The following VSNL1 variants were observed in gnomAD, a reference collection of about 807,000 sequenced individuals.
The protein encoded by VSNL1 is visinin-like protein 1.
VSNL1 carries 6 observed loss-of-function variants against 20.4 expected under a neutral mutation model. The ratio of observed to expected loss-of-function variants is 0.29; its 90% CI spans 0.16 to 0.58. VSNL1 has a LOEUF of 0.58. VSNL1 is among the 20% of genes least tolerant of loss of function. VSNL1 has a pLI of 0.90. For missense variants in VSNL1, 100 were observed against 234.5 expected (o/e 0.43, Z 3.75); for synonymous variants, 93 against 86.4 (o/e 1.08, Z -0.42).
At chr2:17,556,929 T>G (rs542180508) in intron 1 of VSNL1, among the ~76,000 whole-genome samples, 5 of 152,314 alleles carry the variant, frequency 3.3e-5, no homozygotes, top group Admixed American at 1.3e-4. Flanking sequence ...TTCAAGGTCT[T>G]TTCACTTTTC....
intron 1 of VSNL1, among the ~76,000 whole-genome samples, chr2:17,549,536 T>C (rs1379127809): frequency 6.6e-6 from 1 of 152,224 alleles, no homozygotes; most frequent in Non-Finnish European, 1.5e-5. Context: ...GGAAGGCCTA[T>C]TGAAATTTCT....
chr2:17,643,369 A>G (rs1330078884), intron 2 of VSNL1, among the ~76,000 whole-genome samples: 1 of 152,176 alleles, frequency 6.6e-6, no homozygotes. Context: ...TCATCTGCTT[A>G]AGTAGTAATG....
chr2:17,637,887 C>T (rs965105865), intron 2 of VSNL1, among the ~76,000 whole-genome samples: 29 of 152,156 alleles, frequency 1.9e-4, no homozygotes, highest in African/African-American at 6.3e-4. Context: ...TTGAGGTTGA[C>T]GCAGCACTTT....
At chr2:17,614,898 C>T (rs2001674) in intron 2 of VSNL1, among the ~76,000 whole-genome samples, 95,857 of 152,056 alleles carry the variant, frequency 0.63, 31,453 homozygotes, top group Middle Eastern at 0.87. Flanking sequence ...ACAGAGGAGT[C>T]TGAATTAAAT....
intron 3 of VSNL1, among the ~76,000 whole-genome samples, chr2:17,650,275 A>T (rs1023794197): frequency 2.6e-5 from 4 of 151,980 alleles, no homozygotes; most frequent in Non-Finnish European, 5.9e-5. Context: ...CTTCCTGCAT[A>T]CCTTCCCAAA....
chr2:17,575,686 C>T (rs1347392949), intron 1 of VSNL1, among the ~76,000 whole-genome samples: 2 of 152,056 alleles, frequency 1.3e-5, no homozygotes, highest in Non-Finnish European at 2.9e-5. Flanking sequence ...GAGGCATGCG[C>T]CACCATGCCC....
chr2:17,558,799 A>G (rs908238110), intron 1 of VSNL1, among the ~76,000 whole-genome samples: 2 of 152,166 alleles, frequency 1.3e-5, no homozygotes, highest in African/African-American at 4.8e-5. Context: ...TTTCTGGAGC[A>G]AGAGTTTGCA....
chr2:17,556,640 G>A (rs1663684850), intron 1 of VSNL1, among the ~76,000 whole-genome samples: 2 of 152,214 alleles, frequency 1.3e-5, no homozygotes, highest in South Asian at 4.1e-4. Flanking sequence ...ATTGTTCACA[G>A]TGGCATATGT....
intron 2 of VSNL1, among the ~76,000 whole-genome samples, chr2:17,620,868 A>T (rs961921717): frequency 1.3e-5 from 2 of 152,224 alleles, no homozygotes; most frequent in Admixed American, 1.3e-4. Context: ...GAAACCTCTC[A>T]ATTTAAACTC....
intron 1 of VSNL1, among the ~76,000 whole-genome samples, chr2:17,575,915 C>T: frequency 6.6e-6 from 1 of 152,142 alleles, no homozygotes. Flanking sequence ...CTCTATTTAA[C>T]ATTCACTTGT....
chr2:17,603,000 G>A (rs953804407), intron 2 of VSNL1, among the ~76,000 whole-genome samples: 1 of 152,124 alleles, frequency 6.6e-6, no homozygotes, highest in Admixed American at 6.6e-5. Context: ...AGCTAGAAGA[G>A]ATACAAAGTA....
chr2:17,551,905 A>AAAT (rs1379146086), intron 1 of VSNL1, among the ~76,000 whole-genome samples: 3 of 143,870 alleles, frequency 2.1e-5, no homozygotes, highest in Non-Finnish European at 3.2e-5. Flanking sequence ...TTAAAAAAAA[A>AAAT]AAAAAAAAAA....
At chr2:17,559,160 C>G (rs1441737580) in intron 1 of VSNL1, among the ~76,000 whole-genome samples, 1 of 152,088 alleles carries the variant, frequency 6.6e-6, no homozygotes, top group Non-Finnish European at 1.5e-5. Flanking sequence ...CAGGTCATAC[C>G]CTTCCCTGTT....
chr2:17,568,846 A>G (rs914725926), intron 1 of VSNL1, among the ~76,000 whole-genome samples: 7 of 152,160 alleles, frequency 4.6e-5, no homozygotes, highest in African/African-American at 1.7e-4. Context: ...GTATATAATT[A>G]TTAGTTGATT....
chr2:17,554,902 C>G (rs1338558713), intron 1 of VSNL1, among the ~76,000 whole-genome samples: 1 of 152,042 alleles, frequency 6.6e-6, no homozygotes, highest in Non-Finnish European at 1.5e-5. Context: ...ATAGCAGAAA[C>G]ATGATCTTTT....
At chr2:17,563,779 C>T (rs1663872359) in intron 1 of VSNL1, among the ~76,000 whole-genome samples, 1 of 151,856 alleles carries the variant, frequency 6.6e-6, no homozygotes, top group Admixed American at 6.6e-5. Context: ...AGATAATGAT[C>T]ATGAATCTAG....
At chr2:17,627,479 C>T (rs1665539053) in intron 2 of VSNL1, among the ~76,000 whole-genome samples, 1 of 152,178 alleles carries the variant, frequency 6.6e-6, no homozygotes. Context: ...TTTATTATTA[C>T]TCAAATCAGT....
intron 3 of VSNL1, among the ~76,000 whole-genome samples, chr2:17,654,563 C>T (rs1011821644): frequency 6.6e-6 from 1 of 152,174 alleles, no homozygotes; most frequent in Non-Finnish European, 1.5e-5. Context: ...TCCATTATTT[C>T]TAATCTCACC....
rs1270446046 is a variant in VSNL1, at chr2:17,650,300, C to T, written c.378+675C>T. 2.6e-5 allele frequency among the ~76,000 whole-genome samples: 4 copies of T among 152,162 alleles called. No homozygotes were observed. The South Asian group carries it at 8.3e-4, about 31-fold the overall frequency. ...ACCTTCCCAAATATGCCCACTCCAC[C>T]CTCACACCAAAGCAATCTAACCCTT... On this transcript the variant is annotated intron_variant, in intron 3 of 3. Transcript: ENST00000295156.
Sources: gnomAD v4.1 joint callset for allele counts (sites outside exome capture counted in the v4.1 genomes callset) on GRCh38, gnomAD v4.1.1 for gene constraint, MANE v1.5 for transcripts, NCBI Gene and HGNC (gene_info 2026-07-23, HGNC 2026-07-21) for gene names.